The following ODC1 variants were observed in gnomAD, a reference collection of about 807,000 sequenced individuals.
ODC1 encodes ornithine decarboxylase.
In ODC1, 18 loss-of-function variants were observed where a neutral mutation model predicts 41.5. The ratio of observed to expected loss-of-function variants is 0.43; its 90% CI spans 0.30 to 0.64. ODC1 has a LOEUF of 0.64. ODC1 is among the 30% of genes least tolerant of loss of function. ODC1 has a pLI of 0.11. For missense variants in ODC1, 504 were observed against 589.0 expected, an observed-to-expected ratio of 0.86 and a Z score of 1.49; for synonymous variants, 218 against 211.6, an observed-to-expected ratio of 1.03 and a Z score of -0.26.
intron 5 of ODC1, 35 bp downstream of exon 5, chr2:10,444,060 T>C (rs1671930640): frequency 4.5e-6 from 7 of 1,549,834 alleles, no homozygotes; most frequent in Non-Finnish European, 6.1e-6. Context: ...TATCTTATGC[T>C]CCCGATCTTG....
At chr2:10,442,455 AG>A (rs1487030691) in intron 8 of ODC1, among the ~76,000 whole-genome samples, 1 of 152,208 alleles carries the variant, frequency 6.6e-6, no homozygotes, top group Non-Finnish European at 1.5e-5. Flanking sequence ...ACTACTACCT[AG>A]GAAGGCATCA....
intron 5 of ODC1, 113 bp from the exon 6 acceptor site, chr2:10,443,949 G>C: frequency 1.3e-6 from 2 of 1,502,662 alleles, no homozygotes; most frequent in South Asian, 1.3e-5. Flanking sequence ...TCTGTAGTTT[G>C]AGTCCCAGGC....
In ODC1 at chr2:10,441,904, G is replaced by A. The variant is rs754635536; in HGVS notation, c.939C>T (p.Thr313=). Residue 313 remains threonine (T), a synonymous_variant, in exon 10 of 12, where the codon ACC becomes ACT. Transcript: ENST00000234111. ...CGCCATCATTCACATAATACATAAA[G>A]GTCTGCTCACTCGACTCATCTTCGT... ...SDDEDESSEQ[T]FMYYVNDGVY... is the part of the protein sequence containing the mutation. 1 of 1,614,028 alleles carries A rather than the reference G, an allele frequency of 6.2e-7. No homozygotes were observed. Among genetic ancestry groups the A allele is most frequent in the African/African-American group, 1.3e-5 (1 of 74,996 alleles).
In ODC1 at chr2:10,442,116, C is replaced by T; in HGVS notation, c.809G>A (p.Arg270Lys). Residue 270 changes from arginine (R) to lysine (K), a missense_variant, in exon 9 of 12, where the codon AGA (arginine) becomes AAA (lysine). Physicochemically the swap from Arg to Lys is conservative, Grantham distance 26. Transcript: ENST00000234111. ...DKYFPSDSGV[R>K]IIAEPGRYYV... Reference sequence around the variant, plus strand: ...GTATCTGCCGGGCTCAGCTATGATTCTCACTCCAGAGTCTGACGGAAAGTA... The same window carrying T: ...GTATCTGCCGGGCTCAGCTATGATTTTCACTCCAGAGTCTGACGGAAAGTA... 1 of 1,614,136 alleles carries T rather than the reference C, an allele frequency of 6.2e-7. No homozygotes were observed. Among genetic ancestry groups the T allele is most frequent in the Non-Finnish European group, 8.5e-7 (1 of 1,180,016 alleles).
chr2:10,441,588 C>T lies in ODC1; in HGVS notation c.1162G>A (p.Ala388Thr), dbSNP rs542824485. ...GTAGAGGCAGCAGCAACAGTGTAAG[C>T]GCCCATGTTTTCAAAGAGCATCCAA... ...GDWMLFENMG[A>T]YTVAAASTFN... The change falls in exon 11 of 12, where the codon GCT becomes ACT. Residue 388 changes from alanine (A) to threonine (T), a missense_variant. Physicochemically the swap from Ala to Thr is moderately conservative, Grantham distance 58. This residue lies in a region of ODC1 where 447 missense variants were observed against 524.4 expected (regional missense o/e 0.85). Transcript: ENST00000234111. 4.3e-6 allele frequency: 7 copies of T among 1,614,170 alleles called. No individual in the cohort carries two copies. Among genetic ancestry groups the T allele is most frequent in the East Asian group, 2.2e-5 (1 of 44,880 alleles).
chr2:10,445,482 A>G (rs961996596), intron 1 of ODC1, among the ~76,000 whole-genome samples: 2 of 152,214 alleles, frequency 1.3e-5, no homozygotes, highest in African/African-American at 2.4e-5. Flanking sequence ...AAGGCAGCAC[A>G]CTAAGCATTT....
rs1360322340 is a variant in ODC1 at position 10,448,227 on chromosome 2, G to T, written c.-234C>A. 1 of 203,724 alleles carries T rather than the reference G, an allele frequency of 4.9e-6. No homozygotes were observed. The allele number at this position is 203,724 out of a possible 1,614,324, so 12.6% of individuals were successfully genotyped here. A position where few individuals can be genotyped will look rare whatever the true frequency, so the allele number is the denominator to read the frequency against. ...GGCCGCCCCCGCCGCGCCCGTCAGC[G>T]CCTGGCTCCCGCCCGCCGGAGACGC... On this transcript the variant is annotated 5_prime_UTR_variant, in exon 1 of 12. Coordinates refer to ENST00000234111, the MANE Select transcript of ODC1 (RefSeq NM_002539.3).
In ODC1 at chr2:10,444,468, G is replaced by T; in HGVS notation, c.276+6C>A. The T allele has an allele frequency of 1.2e-6, 2 of 1,603,220 alleles. No individual in the cohort carries two copies. The highest frequency in any genetic ancestry group is 2.2e-5 in the South Asian group (2 of 89,686). On this transcript the variant is annotated splice_donor_region_variant and intron_variant, in intron 4 of 11. Coordinates refer to ENST00000234111, the MANE Select transcript of ODC1 (RefSeq NM_002539.3). ...AACGCTTTTGAGGCCTGCTGCTATC[G>T]CTTACCTTGCTAGCACAGTCAAATC...
At position 10,442,166 on chromosome 2, in the gene ODC1, G is replaced by T. The variant is rs761328124; in HGVS notation, c.759C>A (p.Gly253=). 12 of 1,602,490 alleles carry T rather than the reference G, an allele frequency of 7.5e-6. No homozygotes were observed. The highest frequency in any genetic ancestry group is 2.7e-5 in the African/African-American group (2 of 74,138). The change falls in exon 9 of 12, where the codon GGC becomes GGA. Residue 253 remains glycine, a synonymous_variant. Transcript: ENST00000234111. ...ATTTGTCCAACGCTGGGTTGATTACGCCGGTGATCTAAGAGAGTGAAACAG... is the reference window on the plus strand; with the variant it reads ...ATTTGTCCAACGCTGGGTTGATTACTCCGGTGATCTAAGAGAGTGAAACAG... The part of the protein sequence containing the change: ...DVKLKFEEIT[G]VINPALDKYF...
At position 10,444,838 on chromosome 2, in the gene ODC1, G is replaced by A. The variant is rs1187349877; in HGVS notation, c.102+93C>T. On this transcript the variant is annotated intron_variant, in intron 3 of 11. Transcript: ENST00000234111. Reference sequence around the variant, plus strand: ...ATTTCTACATTCCATAACAAGACATGTAAGCCTCATTGCTCTTCCTTAGAC... The same window carrying A: ...ATTTCTACATTCCATAACAAGACATATAAGCCTCATTGCTCTTCCTTAGAC... The A allele has an allele frequency of 5.3e-6, 5 of 948,506 alleles. No individual in the cohort carries two copies. In the Admixed American group the frequency reaches 6.3e-5, roughly 12 times the overall value. The allele number at this position is 948,506 out of a possible 1,614,324, so 58.8% of individuals were successfully genotyped here. A position where few individuals can be genotyped will look rare whatever the true frequency, so the allele number is the denominator to read the frequency against.
intron 1 of ODC1, chr2:10,447,687 G>A (rs1672072690): frequency 2.0e-5 from 3 of 152,308 alleles, no homozygotes; most frequent in South Asian, 2.1e-4. Flanking sequence ...ATAAAAACTG[G>A]AAGGAAACTG....
intron 7 of ODC1, 55 bp from the exon 8 acceptor site, chr2:10,443,368 C>T (rs1031591392): frequency 1.5e-5 from 23 of 1,569,826 alleles, no homozygotes; most frequent in African/African-American, 5.4e-5. Flanking sequence ...AAAATGTATG[C>T]AGCAGATAGG....
chr2:10,446,506 T>C (rs1419348300), intron 1 of ODC1, among the ~76,000 whole-genome samples: 4 of 152,230 alleles, frequency 2.6e-5, no homozygotes, highest in African/African-American at 9.6e-5. Context: ...CCAACTGTCC[T>C]TACAGTCACT....
Position 10,442,007 on chromosome 2 carries a change from C to A in ODC1, c.913+5G>T. 3 of 1,613,384 alleles carry A rather than the reference C, an allele frequency of 1.9e-6. No individual in the cohort carries two copies. The highest frequency in any genetic ancestry group is 2.5e-6 in the Non-Finnish European group (3 of 1,179,438). ...TACATGAAGTGATTCGTCCTTTATA[C>A]ATACCATCAGAGCCCGTCTGTTCCT... On this transcript the variant is annotated splice_donor_5th_base_variant and intron_variant, in intron 9 of 11. Transcript: ENST00000234111.
In ODC1 at chr2:10,444,663, T is replaced by C. The variant is rs751877948; in HGVS notation, c.103-16A>G. On this transcript the variant is annotated splice_polypyrimidine_tract_variant and intron_variant, in intron 3 of 11. Transcript: ENST00000234111. ...CCTTATCATCCTGAAACAAGAGTGG[T>C]CACAGGTGACTCACTAGCAGCCTCA... 5 of 1,605,192 alleles carry C rather than the reference T, an allele frequency of 3.1e-6. No homozygotes were observed. The highest frequency in any genetic ancestry group is 4.3e-6 in the Non-Finnish European group (5 of 1,175,458).
rs1167280131 is a variant in ODC1, at chr2:10,441,606, G to A, written c.1144C>T (p.Leu382Phe). ...GTGTAAGCGCCCATGTTTTCAAAGA[G>A]CATCCAATCACCCACATGCATTTCA... ...LPEMHVGDWMLFENMGAYTVA... is the reference protein window; with the variant it reads ...LPEMHVGDWMFFENMGAYTVA... The change falls in exon 11 of 12, where the codon CTC (leucine) becomes TTC (phenylalanine). Residue 382 changes from leucine to phenylalanine, a missense_variant. Physicochemically the swap from Leu to Phe is conservative, Grantham distance 22. Around this residue, in one of 3 missense-constraint regions of ODC1, gnomAD observed 447 missense variants for 524.4 expected, o/e 0.85. Transcript: ENST00000234111. The A allele has an allele frequency of 6.2e-7, 1 of 1,614,212 alleles. No homozygotes were observed. Among genetic ancestry groups the A allele is most frequent in the South Asian group, 1.1e-5 (1 of 91,088 alleles).
In ODC1 at chr2:10,447,576, C is replaced by T. The variant is rs546902944; in HGVS notation, c.-128+545G>A. ...TAAATAAACACCTCTAAGTCATGGC[C>T]GAGCATCTAATATCACAGCTACTAC... On this transcript the variant is annotated intron_variant, in intron 1 of 11. Transcript: ENST00000234111. 143 of 152,400 alleles carry T rather than the reference C, an allele frequency of 9.4e-4. 1 individual carries two copies. The highest frequency in any genetic ancestry group is 3.4e-3 in the Middle Eastern group (1 of 294). The allele number at this position is 152,400 out of a possible 1,614,324, so 9.4% of individuals were successfully genotyped here.
chr2:10,442,505 TA>T (rs1226545282), intron 8 of ODC1, among the ~76,000 whole-genome samples: 1 of 152,218 alleles, frequency 6.6e-6, no homozygotes, highest in African/African-American at 2.4e-5. Context: ...GCCAACAGGA[TA>T]AAAATCCTAT....
At chr2:10,446,086 C>T (rs1310465863) in intron 1 of ODC1, among the ~76,000 whole-genome samples, 2 of 151,234 alleles carry the variant, frequency 1.3e-5, no homozygotes, top group Non-Finnish European at 2.9e-5. Context: ...TTCAAGTCAA[C>T]TTATCACATT....
Sources: gnomAD v4.1 joint callset for allele counts (sites outside exome capture counted in the v4.1 genomes callset) on GRCh38, gnomAD v4.1.1 for gene constraint, gnomAD v4.1.1 regional missense constraint, MANE v1.5 for transcripts, NCBI Gene and HGNC (gene_info 2026-07-23, HGNC 2026-07-21) for gene names.